The following FOXP1 variants were observed in gnomAD, a reference collection of about 807,000 sequenced individuals.
FOXP1 encodes forkhead box P1.
Under a neutral mutation model 98.2 loss-of-function variants are expected in FOXP1, and 15 were observed. The observed-to-expected ratio is 0.15, with a 90% CI of 0.10 to 0.24. The LOEUF is 0.24. FOXP1 is among the 10% of genes least tolerant of loss of function. FOXP1 has a pLI of 1.00. For missense variants in FOXP1, 633 were observed against 848.5 expected (o/e 0.75, Z 3.15); for synonymous variants, 371 against 314.5 (o/e 1.18, Z -1.90).
chr3:70,968,706 T>C (rs1471027670), intron 19 of FOXP1: 1 of 152,244 alleles, frequency 6.6e-6, no homozygotes, highest in Non-Finnish European at 1.5e-5. Flanking sequence ...ATATATTGTA[T>C]ATCATGCATT....
At chr3:71,370,402 A>C (rs1013277275) in intron 3 of FOXP1, among the ~76,000 whole-genome samples, 1 of 152,202 alleles carries the variant, frequency 6.6e-6, no homozygotes, top group Non-Finnish European at 1.5e-5. Flanking sequence ...TACCATGAGA[A>C]ACGAGGTCAC....
chr3:71,583,566 C>T lies in FOXP1; in HGVS notation c.-447+5G>A, dbSNP rs1337469829. ...TGGAGCAGAAATGGAAAAATACAAA[C>T]TCACCCGCTGCAAATGGTCTCTCGG... On this transcript the variant is annotated splice_donor_5th_base_variant and intron_variant, in intron 1 of 20. Coordinates refer to ENST00000649528, the MANE Select transcript of FOXP1 (RefSeq NM_001349338.3). 1 of 979,290 alleles carries T rather than the reference C, an allele frequency of 1.0e-6. No individual in the cohort carries two copies. Among genetic ancestry groups the T allele is most frequent in the African/African-American group, 1.8e-5 (1 of 54,976 alleles). 60.7% of individuals were successfully genotyped at this position (979,290 alleles called of 1,614,324 possible). A position where few individuals can be genotyped will look rare whatever the true frequency, so the allele number is the denominator to read the frequency against.
chr3:71,552,803 C>T (rs2045872245), intron 2 of FOXP1, among the ~76,000 whole-genome samples: 1 of 151,946 alleles, frequency 6.6e-6, no homozygotes, highest in Non-Finnish European at 1.5e-5. Context: ...AATAATTTAT[C>T]ATCCTAAGAT....
chr3:71,240,353 C>T (rs777017740), intron 5 of FOXP1, among the ~76,000 whole-genome samples: 1 of 152,244 alleles, frequency 6.6e-6, no homozygotes, highest in Non-Finnish European at 1.5e-5. Context: ...CATGAAAAGG[C>T]ACATGGCTGG....
chr3:70,959,618 C>T (rs1050317917), intron 20 of FOXP1, among the ~76,000 whole-genome samples: 2 of 152,216 alleles, frequency 1.3e-5, no homozygotes, highest in African/African-American at 4.8e-5. Flanking sequence ...TCAAAGGCCC[C>T]ATGTGACTAG....
intron 5 of FOXP1, among the ~76,000 whole-genome samples, chr3:71,295,648 A>G (rs547108098): frequency 6.6e-6 from 1 of 152,336 alleles, no homozygotes; most frequent in South Asian, 2.1e-4. Flanking sequence ...TGTAATCTAT[A>G]TGGCCTTGAT....
intron 6 of FOXP1, among the ~76,000 whole-genome samples, chr3:71,183,488 C>G (rs1220736439): frequency 6.6e-6 from 1 of 152,082 alleles, no homozygotes; most frequent in African/African-American, 2.4e-5. Flanking sequence ...GACAGAGTAA[C>G]ACCCTGTCTC....
chr3:71,051,845 A>T (rs1224601982), intron 9 of FOXP1, among the ~76,000 whole-genome samples: 2 of 152,162 alleles, frequency 1.3e-5, no homozygotes, highest in African/African-American at 4.8e-5. Flanking sequence ...TATGGGACGA[A>T]TGCTGTCAAC....
intron 6 of FOXP1, among the ~76,000 whole-genome samples, chr3:71,197,270 G>A (rs1016318029): frequency 6.6e-6 from 1 of 151,936 alleles, no homozygotes; most frequent in African/African-American, 2.4e-5. Flanking sequence ...TTTTGAATAA[G>A]TAAATCAAGA....
intron 13 of FOXP1, among the ~76,000 whole-genome samples, chr3:70,990,224 T>G (rs1290977989): frequency 6.6e-6 from 1 of 152,246 alleles, no homozygotes; most frequent in Non-Finnish European, 1.5e-5. Context: ...AGTATCATAC[T>G]CTTGAATGAG....
chr3:71,334,885 G>C (rs2076575329), intron 4 of FOXP1: 1 of 152,154 alleles, frequency 6.6e-6, no homozygotes. Context: ...TTACTAAAAA[G>C]TACAATAGGG....
At chr3:71,153,998 A>C (rs1310211542) in intron 6 of FOXP1, among the ~76,000 whole-genome samples, 1 of 152,140 alleles carries the variant, frequency 6.6e-6, no homozygotes, top group Non-Finnish European at 1.5e-5. Context: ...CACAAAGCAA[A>C]CATTTATTGT....
chr3:71,401,670 G>T (rs2081964942), intron 3 of FOXP1, among the ~76,000 whole-genome samples: 1 of 152,194 alleles, frequency 6.6e-6, no homozygotes, highest in South Asian at 2.1e-4. Context: ...GACAACCTTT[G>T]CTGGGCATCT....
intron 4 of FOXP1, among the ~76,000 whole-genome samples, chr3:71,313,565 G>A (rs2074857740): frequency 1.4e-5 from 2 of 147,800 alleles, no homozygotes; most frequent in African/African-American, 2.5e-5. Context: ...TCGCACTCTC[G>A]CCCAGGCTGG....
intron 4 of FOXP1, among the ~76,000 whole-genome samples, chr3:71,326,517 C>G (rs532993994): frequency 6.6e-6 from 1 of 152,220 alleles, no homozygotes; most frequent in African/African-American, 2.4e-5. Flanking sequence ...CATCCTGGCT[C>G]TCAGAACAAA....
At chr3:71,138,253 A>G (rs1473182993) in intron 6 of FOXP1, among the ~76,000 whole-genome samples, 6 of 152,208 alleles carry the variant, frequency 3.9e-5, no homozygotes, top group African/African-American at 1.2e-4. Flanking sequence ...ATATTTAGGA[A>G]CGTAATGGGA....
intron 20 of FOXP1, among the ~76,000 whole-genome samples, chr3:70,961,621 C>T (rs372750202): frequency 3.3e-5 from 5 of 151,776 alleles, no homozygotes; most frequent in South Asian, 4.2e-4. Context: ...TTAAGCATTA[C>T]GGATGGGGAT....
chr3:70,993,110 T>C (rs1473628851), intron 13 of FOXP1, among the ~76,000 whole-genome samples: 1 of 152,228 alleles, frequency 6.6e-6, no homozygotes, highest in African/African-American at 2.4e-5. Context: ...GGTACAGTAA[T>C]CACATGTAAA....
Position 71,176,878 on chromosome 3 carries a change from A to G in FOXP1, c.180+21324T>C, listed in dbSNP as rs570812597. Among the ~76,000 whole-genome samples the G allele has an allele frequency of 7.9e-5, 12 of 152,184 alleles. No homozygotes were observed. In the South Asian group the frequency reaches 2.5e-3, roughly 32 times the overall value. On this transcript the variant is annotated intron_variant, in intron 6 of 20. Transcript: ENST00000649528. ...GGAGTTCAAGACCAGCCTGGCCAAC[A>G]TCGTGAAACCCCATCTCTACTAAAA...
Sources: gnomAD v4.1 joint callset for allele counts (sites outside exome capture counted in the v4.1 genomes callset) on GRCh38, gnomAD v4.1.1 for gene constraint, MANE v1.5 for transcripts, NCBI Gene and HGNC (gene_info 2026-07-23, HGNC 2026-07-21) for gene names.